Variants in MAGI1 observed in about 807,000 individuals in gnomAD.
The protein encoded by MAGI1 is membrane-associated guanylate kinase, WW and PDZ domain-containing protein 1.
MAGI1 carries 58 observed loss-of-function variants against 139.9 expected under a neutral mutation model. The ratio of observed to expected loss-of-function variants is 0.41; its 90% CI spans 0.34 to 0.52. MAGI1 has a LOEUF of 0.52. Among genes scored for constraint, MAGI1 ranks in the 20% least tolerant of loss-of-function variants. MAGI1 has a pLI of 0.12. For synonymous variants in MAGI1, 812 were observed against 737.9 expected, an observed-to-expected ratio of 1.10 and a Z score of -1.63; for missense variants, 1,874 against 1,901.6, an observed-to-expected ratio of 0.99 and a Z score of 0.27.
intron 1 of MAGI1, among the ~76,000 whole-genome samples, chr3:65,994,131 A>G (rs547450002): frequency 1.3e-5 from 2 of 152,016 alleles, no homozygotes; most frequent in South Asian, 2.1e-4. Flanking sequence ...AAAATTAGCC[A>G]GGCGTGGTGG....
At chr3:65,382,533 T>G (rs1943133858) in intron 15 of MAGI1, among the ~76,000 whole-genome samples, 1 of 152,202 alleles carries the variant, frequency 6.6e-6, no homozygotes, top group Admixed American at 6.5e-5. Context: ...ATCTCCATTT[T>G]TGAAGTCTTT....
chr3:65,555,146 T>C (rs1453737579), intron 2 of MAGI1, among the ~76,000 whole-genome samples: 1 of 152,154 alleles, frequency 6.6e-6, no homozygotes, highest in Non-Finnish European at 1.5e-5. Flanking sequence ...ATTTCGAAAT[T>C]AAAAGGTTTT....
At chr3:65,630,980 G>C (rs71306773) in intron 1 of MAGI1, among the ~76,000 whole-genome samples, 3 of 152,252 alleles carry the variant, frequency 2.0e-5, no homozygotes, top group African/African-American at 7.2e-5. Flanking sequence ...TTGAGCCATG[G>C]AGGTAGAGGA....
At chr3:65,697,888 G>A (rs1261987805) in intron 1 of MAGI1, among the ~76,000 whole-genome samples, 15 of 69,580 alleles carry the variant, frequency 2.2e-4, no homozygotes, top group Admixed American at 2.6e-4. Context: ...AATTAGGCAG[G>A]AGAAGGAAAT....
At chr3:65,705,223 C>T (rs1196163886) in intron 1 of MAGI1, among the ~76,000 whole-genome samples, 3 of 152,140 alleles carry the variant, frequency 2.0e-5, no homozygotes, top group African/African-American at 4.8e-5. Flanking sequence ...ATTTTAAGTA[C>T]TTTAATGTTT....
intron 3 of MAGI1, among the ~76,000 whole-genome samples, chr3:65,488,020 A>G (rs1951735078): frequency 6.6e-6 from 1 of 152,242 alleles, no homozygotes; most frequent in Non-Finnish European, 1.5e-5. Flanking sequence ...AATACTGAAC[A>G]TTCCCAGCAT....
At chr3:65,628,787 A>T (rs1487227442) in intron 1 of MAGI1, among the ~76,000 whole-genome samples, 1 of 152,158 alleles carries the variant, frequency 6.6e-6, no homozygotes, top group Admixed American at 6.5e-5. Flanking sequence ...AATCTACTAA[A>T]GATAAAATGA....
intron 1 of MAGI1, among the ~76,000 whole-genome samples, chr3:65,786,248 T>C (rs9816873): frequency 0.018 from 1,846 of 102,106 alleles, 46 homozygotes; most frequent in African/African-American, 0.063. Context: ...CAGCCAATCA[T>C]AACTTTTTTT....
intron 8 of MAGI1, among the ~76,000 whole-genome samples, chr3:65,440,568 C>T (rs568944920): frequency 6.6e-6 from 1 of 152,214 alleles, no homozygotes; most frequent in African/African-American, 2.4e-5. Flanking sequence ...TAACTGTCTG[C>T]AGTAGGGTTC....
In MAGI1 at chr3:65,444,073, T is replaced by G. The variant is rs994156416; in HGVS notation, c.1079-1224A>C. On this transcript the variant is annotated intron_variant, in intron 7 of 22. Transcript: ENST00000402939. ...TCAAGAGACATTAATTTCATAGTTTTTGCTCCACATGTTACTTGTTTGCAA... is the reference window on the plus strand; with the variant it reads ...TCAAGAGACATTAATTTCATAGTTTGTGCTCCACATGTTACTTGTTTGCAA... Among the ~76,000 whole-genome samples, 4 of 152,340 alleles carry G rather than the reference T, an allele frequency of 2.6e-5. No individual in the cohort carries two copies. In the South Asian group the frequency reaches 8.3e-4, roughly 32 times the overall value.
At chr3:65,599,607 C>G (rs1448872109) in intron 2 of MAGI1, among the ~76,000 whole-genome samples, 1 of 152,176 alleles carries the variant, frequency 6.6e-6, no homozygotes, top group African/African-American at 2.4e-5. Flanking sequence ...ACTTGTTATA[C>G]AGATCACACA....
intron 1 of MAGI1, among the ~76,000 whole-genome samples, chr3:65,990,214 C>T (rs118043699): frequency 2.6e-5 from 4 of 151,996 alleles, no homozygotes; most frequent in Admixed American, 2.6e-4. Flanking sequence ...CGGCAAGGTG[C>T]GGGATCATGA....
At chr3:65,752,111 A>AT (rs944178179) in intron 1 of MAGI1, among the ~76,000 whole-genome samples, 4 of 151,436 alleles carry the variant, frequency 2.6e-5, no homozygotes, top group East Asian at 3.9e-4. Context: ...GCCTGGCTAA[A>AT]TTTTTTTTTG....
intron 10 of MAGI1, among the ~76,000 whole-genome samples, chr3:65,433,927 G>A (rs1368937304): frequency 1.3e-5 from 2 of 152,144 alleles, no homozygotes; most frequent in African/African-American, 4.8e-5. Flanking sequence ...CTAGTCACAT[G>A]TAGCCACTGA....
At chr3:65,977,810 T>C (rs2065343484) in intron 1 of MAGI1, among the ~76,000 whole-genome samples, 1 of 152,088 alleles carries the variant, frequency 6.6e-6, no homozygotes, top group Admixed American at 6.5e-5. Flanking sequence ...TTGAGCCACA[T>C]TCATCTGCTA....
intron 1 of MAGI1, among the ~76,000 whole-genome samples, chr3:65,896,030 C>G (rs1376641329): frequency 6.6e-6 from 1 of 152,114 alleles, no homozygotes; most frequent in Non-Finnish European, 1.5e-5. Flanking sequence ...CTGTAAACCT[C>G]AAGAAGTGAT....
At position 66,019,380 on chromosome 3, in the gene MAGI1, T is replaced by C. The variant is rs543043005; in HGVS notation, c.313+18616A>G. On this transcript the variant is annotated intron_variant, in intron 1 of 22. Coordinates refer to ENST00000402939, the MANE Select transcript of MAGI1 (RefSeq NM_001033057.2). ...CTATATACCAGTGGCACTTCCCAGA[T>C]GTAACAATCAAAACTGTCTTCAGAC... Among the ~76,000 whole-genome samples, 26 of 152,290 alleles carry C rather than the reference T, an allele frequency of 1.7e-4. No homozygotes were observed. The East Asian group carries it at 4.1e-3, about 24-fold the overall frequency.
rs2069064404 is a variant in MAGI1, at chr3:66,038,550, G to A, written c.-242C>T. 1 of 490,234 alleles carries A rather than the reference G, an allele frequency of 2.0e-6. No homozygotes were observed. Among genetic ancestry groups the A allele is most frequent in the Non-Finnish European group, 3.4e-6 (1 of 289,976 alleles). The allele number at this position is 490,234 out of a possible 1,614,324, so 30.4% of individuals were successfully genotyped here. A position where few individuals can be genotyped will look rare whatever the true frequency, so the allele number is the denominator to read the frequency against. On this transcript the variant is annotated 5_prime_UTR_variant, in exon 1 of 23. Coordinates refer to ENST00000402939, the MANE Select transcript of MAGI1 (RefSeq NM_001033057.2). ...CGCCCGCGAGCTTTGTTTGCATTCC[G>A]GTGCCTCTGGGTCCACGTTCCGGCG...
intron 2 of MAGI1, among the ~76,000 whole-genome samples, chr3:65,553,821 C>T (rs943970355): frequency 2.0e-5 from 3 of 152,176 alleles, no homozygotes; most frequent in Admixed American, 6.5e-5. Flanking sequence ...TCCCCATGAT[C>T]CATACTCACT....
Sources: gnomAD v4.1 joint callset for allele counts (sites outside exome capture counted in the v4.1 genomes callset) on GRCh38, gnomAD v4.1.1 for gene constraint, MANE v1.5 for transcripts, NCBI Gene and HGNC (gene_info 2026-07-23, HGNC 2026-07-21) for gene names.